JPT2: variants seen among roughly 807,000 people sequenced by gnomAD.
The protein encoded by JPT2 is Jupiter microtubule associated homolog 2.
JPT2 carries 9 observed loss-of-function variants against 15.9 expected under a neutral mutation model. The ratio of observed to expected loss-of-function variants is 0.57; its 90% CI spans 0.34 to 0.99. The LOEUF is 0.99. JPT2 is among the 50% of genes least tolerant of loss of function. JPT2 has a pLI of 0.02. For synonymous variants in JPT2, 95 were observed against 91.7 expected (o/e 1.04, Z -0.21); for missense variants, 267 against 252.1 (o/e 1.06, Z -0.40).
intron 3 of JPT2, among the ~76,000 whole-genome samples, chr16:1,697,147 C>T (rs988101432): frequency 1.3e-5 from 2 of 152,170 alleles, no homozygotes; most frequent in South Asian, 2.1e-4. Context: ...CATTGACACA[C>T]GCTACAGCAT....
Position 1,685,285 on chromosome 16 carries a change from G to A in JPT2, c.45-154G>A, listed in dbSNP as rs921858688. On this transcript the variant is annotated intron_variant, in intron 1 of 4. Transcript: ENST00000248098. Reference sequence around the variant, plus strand: ...AGAGGTTGCAGTGAGCCAAAATCACGTCACTGCGCTCCAGCCTGGGTGACA... The same window carrying A: ...AGAGGTTGCAGTGAGCCAAAATCACATCACTGCGCTCCAGCCTGGGTGACA... 1.6e-5 allele frequency: 12 copies of A among 741,016 alleles called. No homozygotes were observed. In the Admixed American group the frequency reaches 2.1e-4, roughly 13 times the overall value. The allele number at this position is 741,016 out of a possible 1,614,324, so 45.9% of individuals were successfully genotyped here.
chr16:1,700,553 C>G lies in JPT2; in HGVS notation c.*1555C>G, dbSNP rs1222250215. On this transcript the variant is annotated 3_prime_UTR_variant, in exon 5 of 5. Coordinates refer to ENST00000248098, the MANE Select transcript of JPT2 (RefSeq NM_144570.3). ...CTGCAGGAGCCGCCTGCCAAGCTCC[C>G]CTTCCTACACCTGGCACACTGGGGT... 1 of 185,006 alleles carries G rather than the reference C, an allele frequency of 5.4e-6. No individual in the cohort carries two copies. The highest frequency in any genetic ancestry group is 2.3e-5 in the African/African-American group (1 of 43,688). 11.5% of individuals were successfully genotyped at this position (185,006 alleles called of 1,614,324 possible).
rs2037107758 is a variant in JPT2, at chr16:1,692,120, A to T, written c.336+135A>T. 5 of 1,172,524 alleles carry T rather than the reference A, an allele frequency of 4.3e-6. No homozygotes were observed. In the South Asian group the frequency reaches 4.4e-5, roughly 10 times the overall value. 72.6% of individuals were successfully genotyped at this position (1,172,524 alleles called of 1,614,324 possible). A position where few individuals can be genotyped will look rare whatever the true frequency, so the allele number is the denominator to read the frequency against. On this transcript the variant is annotated intron_variant, in intron 3 of 4. Coordinates refer to ENST00000248098, the MANE Select transcript of JPT2 (RefSeq NM_144570.3). ...GCCGTAGATTATCCTGGATGCAAGC[A>T]TTAGTCATCGAGTTTGGAAGTTCCC... is the stretch of plus-strand genomic sequence containing the variant.
rs1306296065 is a variant in JPT2, at chr16:1,699,295, C to T, written c.*297C>T. 6.8e-6 allele frequency: 4 copies of T among 584,252 alleles called. No homozygotes were observed. Among genetic ancestry groups the T allele is most frequent in the Admixed American group, 4.3e-5 (2 of 46,212 alleles). 36.2% of individuals were successfully genotyped at this position (584,252 alleles called of 1,614,324 possible). A position where few individuals can be genotyped will look rare whatever the true frequency, so the allele number is the denominator to read the frequency against. On this transcript the variant is annotated 3_prime_UTR_variant, in exon 5 of 5. Transcript: ENST00000248098. ...GTGGGGAGGTGGGGCAGGGCATGGT[C>T]CTTGGATCAACAGCCCGCCAGCTGA...
intron 1 of JPT2, among the ~76,000 whole-genome samples, chr16:1,680,131 T>G (rs1052620234): frequency 4.6e-5 from 7 of 152,220 alleles, no homozygotes; most frequent in Non-Finnish European, 1.0e-4. Flanking sequence ...ACCAGGAGTT[T>G]AAACTAGTGC....
chr16:1,678,621 G>A (rs1330520852), intron 1 of JPT2, among the ~76,000 whole-genome samples: 1 of 152,230 alleles, frequency 6.6e-6, no homozygotes, highest in African/African-American at 2.4e-5. Context: ...CCGGGCTCTG[G>A]GAACAAAGCT....
intron 3 of JPT2, chr16:1,692,484 A>AG (rs1385444348): frequency 5.9e-6 from 1 of 168,500 alleles, no homozygotes; most frequent in African/African-American, 2.4e-5. Flanking sequence ...TGGCATCAGT[A>AG]GGATAAGACA....
At chr16:1,697,997 T>C (rs2037154827) in intron 4 of JPT2, 137 bp downstream of exon 4, 2 of 737,558 alleles carry the variant, frequency 2.7e-6, no homozygotes, top group Non-Finnish European at 4.7e-6. Flanking sequence ...CTCAGGTGTA[T>C]CCACTGCAAG....
At position 1,699,517 on chromosome 16, in the gene JPT2, GAA is replaced by G. The variant is rs2142232276; in HGVS notation, c.*521_*522del. On this transcript the variant is annotated 3_prime_UTR_variant, in exon 5 of 5. Transcript: ENST00000248098. ...GCATATTGTTCTGTAGTCTTTTCTT[GAA>G]ACATCTTGATTGCTTTTCCTCGGCA... The G allele has an allele frequency of 3.1e-6, 1 of 322,514 alleles. No homozygotes were observed. Among genetic ancestry groups the G allele is most frequent in the African/African-American group, 2.2e-5 (1 of 46,496 alleles). The allele number at this position is 322,514 out of a possible 1,614,324, so 20.0% of individuals were successfully genotyped here.
Position 1,685,500 on chromosome 16 carries a change from C to T in JPT2, c.106C>T (p.Pro36Ser). The T allele has an allele frequency of 6.2e-7, 1 of 1,614,122 alleles. No homozygotes were observed. The highest frequency in any genetic ancestry group is 8.5e-7 in the Non-Finnish European group (1 of 1,180,014). Reference sequence around the variant, plus strand: ...TTTTGGAAGTCCAGAAGAAGCTACTCCTTCCAGCAGGCCTAATAGGATGGC... The same window carrying T: ...TTTTGGAAGTCCAGAAGAAGCTACTTCTTCCAGCAGGCCTAATAGGATGGC... Reference protein sequence around the residue: ...NLFGSPEEATPSSRPNRMASN... With the variant: ...NLFGSPEEATSSSRPNRMASN... Residue 36 changes from proline (P) to serine (S), a missense_variant, in exon 2 of 5, where the codon CCT becomes TCT. Physicochemically the swap from Pro to Ser is moderately conservative, Grantham distance 74. Coordinates refer to ENST00000248098, the MANE Select transcript of JPT2 (RefSeq NM_144570.3).
chr16:1,688,934 T>C (rs948973197), intron 2 of JPT2: 2 of 152,258 alleles, frequency 1.3e-5, no homozygotes, highest in Admixed American at 1.3e-4. Context: ...CATTGTTTAG[T>C]ACCTATTGCA....
Position 1,699,066 on chromosome 16 carries a change from C to G in JPT2, c.*68C>G, listed in dbSNP as rs1567472748. 2 of 1,529,552 alleles carry G rather than the reference C, an allele frequency of 1.3e-6. No homozygotes were observed. Among genetic ancestry groups the G allele is most frequent in the South Asian group, 2.2e-5 (2 of 89,300 alleles). 94.7% of individuals were successfully genotyped at this position (1,529,552 alleles called of 1,614,324 possible). A position where few individuals can be genotyped will look rare whatever the true frequency, so the allele number is the denominator to read the frequency against. ...AGATAGGGTAGCCATGTTTTCATTTCCTTTTGCCCAAATGAGCGGGGTGGG... is the reference window on the plus strand; with the variant it reads ...AGATAGGGTAGCCATGTTTTCATTTGCTTTTGCCCAAATGAGCGGGGTGGG... On this transcript the variant is annotated 3_prime_UTR_variant, in exon 5 of 5. Transcript: ENST00000248098.
At chr16:1,678,431 A>C (rs1596502974) in intron 1 of JPT2, 75 bp downstream of exon 1, 2 of 825,422 alleles carry the variant, frequency 2.4e-6, no homozygotes, top group Non-Finnish European at 3.0e-6. Flanking sequence ...CAGGGCGTCC[A>C]CCAGCCGTGT....
chr16:1,691,461 G>T (rs2037103127), intron 2 of JPT2, among the ~76,000 whole-genome samples: 1 of 152,154 alleles, frequency 6.6e-6, no homozygotes, highest in Admixed American at 6.5e-5. Flanking sequence ...TAAACATTTA[G>T]CTGTTTATTT....
rs367601182 is a variant in JPT2 at position 1,691,871 on chromosome 16, A to G, written c.222A>G (p.Glu74=). 2 of 1,613,880 alleles carry G rather than the reference A, an allele frequency of 1.2e-6. No individual in the cohort carries two copies. The highest frequency in any genetic ancestry group is 2.2e-5 in the East Asian group (1 of 44,878). ...PGGKGSGIFD[E]STPVQTRQHL... is the part of the protein sequence containing the mutation. ...GTAAAGGAAGTGGTATCTTTGACGA[A>G]TCAACCCCCGTGCAGACTCGACAGC... Residue 74 remains glutamate, a synonymous_variant, in exon 3 of 5, where the codon GAA becomes GAG. Transcript: ENST00000248098.
At chr16:1,694,287 T>A (rs1046961654) in intron 3 of JPT2, among the ~76,000 whole-genome samples, 1 of 152,326 alleles carries the variant, frequency 6.6e-6, no homozygotes, top group African/African-American at 2.4e-5. Flanking sequence ...TGGGCCCCCA[T>A]TGACGCTGTT....
chr16:1,683,113 A>G (rs1282156600), intron 1 of JPT2, among the ~76,000 whole-genome samples: 1 of 151,982 alleles, frequency 6.6e-6, no homozygotes. Flanking sequence ...AGTAGCTGGG[A>G]CTACAGGCGT....
rs1160159775 is a variant in JPT2, at chr16:1,701,659, G to A, written c.*2661G>A. On this transcript the variant is annotated 3_prime_UTR_variant, in exon 5 of 5. Transcript: ENST00000248098. ...CCTTGTATGCCACTTGTCCTAACAT[G>A]TCCTTAAGGTGTTTAACCTGCCTCT... 1 of 151,870 alleles carries A rather than the reference G, an allele frequency of 6.6e-6. No individual in the cohort carries two copies. Among genetic ancestry groups the A allele is most frequent in the African/African-American group, 2.4e-5 (1 of 41,142 alleles). The allele number at this position is 151,870 out of a possible 1,614,324, so 9.4% of individuals were successfully genotyped here.
intron 3 of JPT2, 160 bp downstream of exon 3, chr16:1,692,145 C>G: frequency 2.2e-6 from 2 of 905,800 alleles, no homozygotes; most frequent in Non-Finnish European, 3.3e-6. Flanking sequence ...TGGAAGTTCC[C>G]CTGAGTCACC....
Sources: gnomAD v4.1 joint callset for allele counts (sites outside exome capture counted in the v4.1 genomes callset) on GRCh38, gnomAD v4.1.1 for gene constraint, MANE v1.5 for transcripts, NCBI Gene and HGNC (gene_info 2026-07-23, HGNC 2026-07-21) for gene names.